SIRT5: variants seen among roughly 807,000 people sequenced by gnomAD.
SIRT5 encodes the protein sirtuin 5.
SIRT5 carries 26 observed loss-of-function variants against 40.0 expected under a neutral mutation model. The observed-to-expected ratio is 0.65, with a 90% CI of 0.48 to 0.90. The LOEUF (loss-of-function observed/expected upper bound fraction) is 0.90. Among genes scored for constraint, SIRT5 ranks in the 40% least tolerant of loss-of-function variants. The pLI is 0.00. For missense variants in SIRT5, 401 were observed against 402.4 expected (o/e 1.00, Z 0.03); for synonymous variants, 146 against 149.1 (o/e 0.98, Z 0.15).
chr6:13,584,118 C>T lies in SIRT5; in HGVS notation c.8C>T (p.Pro3Leu), dbSNP rs755253508. Residue 3 changes from proline to leucine, a missense_variant, in exon 3 of 10, where the codon CCT becomes CTT. Transcript: ENST00000606117. MR[P>L]LQIVPSRLIS... ...AACTACAGACAAACCCTGATGCGAC[C>T]TCTCCAGATTGTCCCAAGTCGATTG... 1 of 1,613,798 alleles carries T rather than the reference C, an allele frequency of 6.2e-7. No individual in the cohort carries two copies. The highest frequency in any genetic ancestry group is 8.5e-7 in the Non-Finnish European group (1 of 1,179,746).
In SIRT5 at chr6:13,603,073, C is replaced by T. The variant is rs374124714; in HGVS notation, c.857+2124C>T. On this transcript the variant is annotated intron_variant, in intron 9 of 9. Transcript: ENST00000606117. ...CAGGTGGATCATGAGGTCAGGAGAT[C>T]GAGACCATCCTGGTTAACACGGTGA... is the stretch of plus-strand genomic sequence containing the variant. Among the ~76,000 whole-genome samples the T allele has an allele frequency of 3.1e-4, 47 of 152,028 alleles. 2 individuals carry two copies. The East Asian group carries it at 5.4e-3, about 18-fold the overall frequency.
At chr6:13,577,459 A>T (rs893287714) in intron 1 of SIRT5, among the ~76,000 whole-genome samples, 1 of 151,982 alleles carries the variant, frequency 6.6e-6, no homozygotes, top group African/African-American at 2.4e-5. Context: ...TTGTTAGAGT[A>T]TAGAAACACC....
At chr6:13,602,091 A>G (rs1477593551) in intron 9 of SIRT5, among the ~76,000 whole-genome samples, 1 of 152,212 alleles carries the variant, frequency 6.6e-6, no homozygotes, top group Non-Finnish European at 1.5e-5. Context: ...AGAAATAAGG[A>G]AGGCCTAAAT....
At position 13,596,973 on chromosome 6, in the gene SIRT5, C is replaced by G; in HGVS notation, c.574C>G (p.Pro192Ala). The change falls in exon 7 of 10, where the codon CCT (proline) becomes GCT (alanine). Residue 192 changes from proline (P) to alanine (A), a missense_variant. Physicochemically the swap from Pro to Ala is conservative, Grantham distance 27. Transcript: ENST00000606117. ...PALSGKGAPE[P>A]GTQDASIPVE... is the part of the protein sequence containing the mutation. The stretch of plus-strand genomic sequence containing the variant: ...TATTATTTACTTCAGTGCTCCAGAA[C>G]CTGGAACTCAAGATGCCAGCATCCC... 1 of 1,611,418 alleles carries G rather than the reference C, an allele frequency of 6.2e-7. No individual in the cohort carries two copies. Among genetic ancestry groups the G allele is most frequent in the Non-Finnish European group, 8.5e-7 (1 of 1,179,058 alleles).
chr6:13,597,181 A>G (rs1761668493), intron 7 of SIRT5, among the ~76,000 whole-genome samples, 165 bp downstream of exon 7: 2 of 152,218 alleles, frequency 1.3e-5, no homozygotes, highest in Admixed American at 6.5e-5. Context: ...AGGACAAAGG[A>G]TGAACCAAAT....
intron 9 of SIRT5, chr6:13,605,106 G>A (rs1259183961): frequency 3.0e-6 from 3 of 985,442 alleles, no homozygotes; most frequent in African/African-American, 3.5e-5. Flanking sequence ...TAAACACAGA[G>A]CTTAACAATG....
At chr6:13,589,983 A>T (rs1760620491) in intron 4 of SIRT5, among the ~76,000 whole-genome samples, 1 of 152,208 alleles carries the variant, frequency 6.6e-6, no homozygotes, top group South Asian at 2.1e-4. Context: ...GGTGAAGAGC[A>T]GGGTCGGTGT....
Position 13,588,405 on chromosome 6 carries a change from G to C in SIRT5, c.190G>C (p.Glu64Gln), listed in dbSNP as rs1378311241. 1 of 1,614,244 alleles carries C rather than the reference G, an allele frequency of 6.2e-7. No individual in the cohort carries two copies. Reference protein sequence around the residue: ...VIISGAGVSAESGVPTFRGAG... With the variant: ...VIISGAGVSAQSGVPTFRGAG... ...CATCTCAGGAGCTGGTGTTAGTGCA[G>C]AAAGTGGTGTTCCGACCTTCAGAGG... is the stretch of plus-strand genomic sequence containing the variant. Residue 64 changes from glutamate (E) to glutamine (Q), a missense_variant, in exon 4 of 10, where the codon GAA (glutamate) becomes CAA (glutamine). Glu to Gln is a conservative substitution (Grantham distance 29, BLOSUM62 2). Transcript: ENST00000606117.
intron 2 of SIRT5, among the ~76,000 whole-genome samples, chr6:13,580,139 A>C (rs1759147615): frequency 6.6e-6 from 1 of 152,198 alleles, no homozygotes. Context: ...TTCCCTGCAG[A>C]AGTAACTTTA....
intron 7 of SIRT5, among the ~76,000 whole-genome samples, chr6:13,597,312 G>A (rs751778437): frequency 1.3e-5 from 2 of 151,500 alleles, no homozygotes; most frequent in Non-Finnish European, 2.9e-5. Context: ...TGTACAGAAA[G>A]CATAGGGGCT....
At chr6:13,598,349 T>G (rs1761879951) in intron 7 of SIRT5, among the ~76,000 whole-genome samples, 1 of 151,972 alleles carries the variant, frequency 6.6e-6, no homozygotes, top group Non-Finnish European at 1.5e-5. Context: ...GACATGAACC[T>G]GAGAGAACAT....
At chr6:13,609,858 C>T (rs1763603740) in intron 9 of SIRT5, among the ~76,000 whole-genome samples, 1 of 152,168 alleles carries the variant, frequency 6.6e-6, no homozygotes, top group Non-Finnish European at 1.5e-5. Context: ...CAGATTTTGA[C>T]CTGCCAAGCT....
chr6:13,605,614 T>C, intron 9 of SIRT5: 1 of 985,486 alleles, frequency 1.0e-6, no homozygotes, highest in Non-Finnish European at 1.2e-6. Context: ...AATGTATTTC[T>C]ATTTTCAAGG....
intron 3 of SIRT5, among the ~76,000 whole-genome samples, chr6:13,584,770 CAT>C (rs34434708): frequency 0.26 from 39,664 of 152,014 alleles, 5,448 homozygotes; most frequent in Admixed American, 0.34. Flanking sequence ...GCTTTTTACA[CAT>C]GTTTTGTACT....
At position 13,612,253 on chromosome 6, in the gene SIRT5, C is replaced by G. The variant is rs1461184592; in HGVS notation, c.*388C>G. 1.3e-5 allele frequency: 2 copies of G among 156,888 alleles called. No homozygotes were observed. Among genetic ancestry groups the G allele is most frequent in the Non-Finnish European group, 2.8e-5 (2 of 71,716 alleles). 9.7% of individuals were successfully genotyped at this position (156,888 alleles called of 1,614,324 possible). A position where few individuals can be genotyped will look rare whatever the true frequency, so the allele number is the denominator to read the frequency against. Reference sequence around the variant, plus strand: ...AAACCCTACTATTCTGATTTTTGCACAAGTTTTAGTGGAAAATAAAATCAC... The same window carrying G: ...AAACCCTACTATTCTGATTTTTGCAGAAGTTTTAGTGGAAAATAAAATCAC... On this transcript the variant is annotated 3_prime_UTR_variant, in exon 10 of 10. Transcript: ENST00000606117.
chr6:13,582,417 C>T (rs1190197567), intron 2 of SIRT5, among the ~76,000 whole-genome samples: 5 of 152,098 alleles, frequency 3.3e-5, no homozygotes, highest in African/African-American at 7.2e-5. Context: ...TCAGTCTATT[C>T]GCATTGTTGT....
At chr6:13,580,223 T>C (rs779976897) in intron 2 of SIRT5, among the ~76,000 whole-genome samples, 1 of 152,222 alleles carries the variant, frequency 6.6e-6, no homozygotes, top group Non-Finnish European at 1.5e-5. Context: ...TCTTCTCTTT[T>C]TGAGTGTCAA....
At position 13,612,156 on chromosome 6, in the gene SIRT5, T is replaced by C. The variant is rs1467127582; in HGVS notation, c.*291T>C. The C allele has an allele frequency of 4.2e-6, 1 of 240,296 alleles. No individual in the cohort carries two copies. Among genetic ancestry groups the C allele is most frequent in the Non-Finnish European group, 8.0e-6 (1 of 125,154 alleles). 14.9% of individuals were successfully genotyped at this position (240,296 alleles called of 1,614,324 possible). On this transcript the variant is annotated 3_prime_UTR_variant, in exon 10 of 10. Transcript: ENST00000606117. ...ATTGGGAGGGAAAAATTTTGTAAAT[T>C]AGATTGTCTAAAAAAAATAGTTATT...
intron 3 of SIRT5, among the ~76,000 whole-genome samples, chr6:13,587,786 TA>T (rs753159502): frequency 2.0e-5 from 3 of 152,204 alleles, no homozygotes; most frequent in Non-Finnish European, 4.4e-5. Context: ...TGTCCTCAAA[TA>T]AGACCCTTGC....
Sources: gnomAD v4.1 joint callset for allele counts (sites outside exome capture counted in the v4.1 genomes callset) on GRCh38, gnomAD v4.1.1 for gene constraint, MANE v1.5 for transcripts, NCBI Gene and HGNC (gene_info 2026-07-23, HGNC 2026-07-21) for gene names.